The following SERTAD2 variants were observed in gnomAD, a reference collection of about 807,000 sequenced individuals.
The protein encoded by SERTAD2 is SERTA domain containing 2, also known as SERTA domain-containing protein 2.
SERTAD2 carries 2 observed loss-of-function variants against 15.4 expected under a neutral mutation model. The ratio of observed to expected loss-of-function variants is 0.13; its 90% CI spans 0.05 to 0.41. The LOEUF (loss-of-function observed/expected upper bound fraction) is 0.41, where lower values mean the gene tolerates loss of function less well. SERTAD2 is among the 10% of genes least tolerant of loss of function. The probability of loss-of-function intolerance (pLI) is 0.99; values close to 1 mark genes in which losing one functional copy is unlikely to be tolerated. For synonymous variants in SERTAD2, 180 were observed against 178.0 expected, an observed-to-expected ratio of 1.01 and a Z score of -0.09; for missense variants, 333 against 409.7, an observed-to-expected ratio of 0.81 and a Z score of 1.62.
chr2:64,650,510 C>T (rs1674986616), intron 1 of SERTAD2, among the ~76,000 whole-genome samples: 1 of 152,158 alleles, frequency 6.6e-6, no homozygotes, highest in South Asian at 2.1e-4. Context: ...CAATGAGTGA[C>T]GGACGCTCCA....
chr2:64,639,415 G>A (rs900306232), intron 1 of SERTAD2, among the ~76,000 whole-genome samples: 1 of 152,094 alleles, frequency 6.6e-6, no homozygotes, highest in East Asian at 1.9e-4. Flanking sequence ...TCTTACTGAA[G>A]TCTGTGAAAG....
At chr2:64,646,685 AT>A (rs796448063) in intron 1 of SERTAD2, 12 of 152,376 alleles carry the variant, frequency 7.9e-5, no homozygotes, top group African/African-American at 2.9e-4. Flanking sequence ...AATAAATTAA[AT>A]TATGGTACGG....
In SERTAD2 at chr2:64,651,702, T is replaced by C. The variant is rs78665598; in HGVS notation, c.-5+1918A>G. On this transcript the variant is annotated intron_variant, in intron 1 of 1. Coordinates refer to ENST00000313349, the MANE Select transcript of SERTAD2 (RefSeq NM_014755.3). ...AGTGTAAAGATTTTCTAAATCTGAA[T>C]TAATATCCTTCTCTTAGTTCTTCAA... Among the ~76,000 whole-genome samples the C allele has an allele frequency of 5.0e-3, 755 of 152,314 alleles. 3 individuals carry two copies. The highest frequency in any genetic ancestry group is 8.3e-3 in the Non-Finnish European group (564 of 68,028).
At chr2:64,651,187 C>CT (rs1201834171) in intron 1 of SERTAD2, among the ~76,000 whole-genome samples, 3 of 152,038 alleles carry the variant, frequency 2.0e-5, no homozygotes, top group Non-Finnish European at 4.4e-5. Context: ...AAGCTTCATA[C>CT]TTTTTTTTCT....
intron 1 of SERTAD2, among the ~76,000 whole-genome samples, chr2:64,647,423 C>T (rs898081330): frequency 2.6e-5 from 4 of 152,124 alleles, no homozygotes; most frequent in Admixed American, 6.5e-5. Flanking sequence ...CATAAGATTA[C>T]GTGCTTTACT....
rs548789277 is a variant in SERTAD2 at position 64,634,786 on chromosome 2, T to A, written c.*1141A>T. 1 of 152,294 alleles carries A rather than the reference T, an allele frequency of 6.6e-6. No individual in the cohort carries two copies. Among genetic ancestry groups the A allele is most frequent in the Non-Finnish European group, 1.5e-5 (1 of 68,014 alleles). The allele number at this position is 152,294 out of a possible 1,614,324, so 9.4% of individuals were successfully genotyped here. ...TCGGATGTAAAATTTTGTTCGGATG[T>A]AAAATTTCAGGTCATCATAAAAATT... is the stretch of plus-strand genomic sequence containing the variant. On this transcript the variant is annotated 3_prime_UTR_variant, in exon 2 of 2. Coordinates refer to ENST00000313349, the MANE Select transcript of SERTAD2 (RefSeq NM_014755.3).
At chr2:64,640,952 G>A (rs912345132) in intron 1 of SERTAD2, among the ~76,000 whole-genome samples, 1 of 152,148 alleles carries the variant, frequency 6.6e-6, no homozygotes, top group African/African-American at 2.4e-5. Context: ...TGAGGTTTGA[G>A]ATCAAATGAC....
In SERTAD2 at chr2:64,653,684, C is replaced by G. The variant is rs1053883548; in HGVS notation, c.-69G>C. 4 of 152,288 alleles carry G rather than the reference C, an allele frequency of 2.6e-5. No individual in the cohort carries two copies. The highest frequency in any genetic ancestry group is 4.4e-5 in the Non-Finnish European group (3 of 68,114). 9.4% of individuals were successfully genotyped at this position (152,288 alleles called of 1,614,324 possible). On this transcript the variant is annotated 5_prime_UTR_variant, in exon 1 of 2. Transcript: ENST00000313349. ...GTTTCCGCCCACTCCTCAGCTACTC[C>G]CGCTCCATGCGGAGTGCCCCGCTCC...
intron 1 of SERTAD2, among the ~76,000 whole-genome samples, chr2:64,646,954 T>C (rs1470494172): frequency 1.3e-5 from 2 of 152,224 alleles, no homozygotes; most frequent in South Asian, 2.1e-4. Flanking sequence ...CTTTTACCAG[T>C]ATAGATAGAC....
At chr2:64,638,466 TACTTTGTC>T (rs985800562) in intron 1 of SERTAD2, among the ~76,000 whole-genome samples, 11 of 152,358 alleles carry the variant, frequency 7.2e-5, no homozygotes, top group Non-Finnish European at 1.5e-4. Flanking sequence ...TTCTTTCTCA[TACTTTGTC>T]ACAAAGCAGG....
Position 64,640,558 on chromosome 2 carries a change from TCG to T in SERTAD2, c.-4-3685_-4-3684del, listed in dbSNP as rs567998363. 7.3e-5 allele frequency among the ~76,000 whole-genome samples: 11 copies of T among 151,330 alleles called. No individual in the cohort carries two copies. In the East Asian group the frequency reaches 2.1e-3, roughly 29 times the overall value. Reference sequence around the variant, plus strand: ...AGGCAAGGGACCTTTCAAAAAGGCTTCGCTGGGCTGCAACTTGAAGATGAAGC... The same window carrying T: ...AGGCAAGGGACCTTTCAAAAAGGCTTCTGGGCTGCAACTTGAAGATGAAGC... On this transcript the variant is annotated intron_variant, in intron 1 of 1. Transcript: ENST00000313349.
intron 1 of SERTAD2, among the ~76,000 whole-genome samples, chr2:64,637,284 C>A (rs1328309000): frequency 1.3e-5 from 2 of 152,236 alleles, no homozygotes; most frequent in African/African-American, 4.8e-5. Context: ...AAAACACTTA[C>A]AATGCTATGA....
intron 1 of SERTAD2, among the ~76,000 whole-genome samples, chr2:64,639,408 T>C (rs759020276): frequency 7.9e-5 from 12 of 152,244 alleles, no homozygotes; most frequent in Non-Finnish European, 1.6e-4. Flanking sequence ...TATTGTGTCT[T>C]ACTGAAGTCT....
chr2:64,636,402 A>G lies in SERTAD2; in HGVS notation c.470T>C (p.Leu157Pro), dbSNP rs1168173191. ...QAMQPTAPTKLSPPALLPEKD... is the reference protein window; with the variant it reads ...QAMQPTAPTKPSPPALLPEKD... ...TTCTGGCAAGAGGGCTGGAGGTGACAGTTTGGTGGGAGCCGTGGGCTGCAT... is the reference window on the plus strand; with the variant it reads ...TTCTGGCAAGAGGGCTGGAGGTGACGGTTTGGTGGGAGCCGTGGGCTGCAT... Residue 157 changes from leucine to proline, a missense_variant, in exon 2 of 2, where the codon CTG (leucine) becomes CCG (proline). By Grantham distance (98) the Leu-to-Pro change is moderately conservative. Coordinates refer to ENST00000313349, the MANE Select transcript of SERTAD2 (RefSeq NM_014755.3). 3.1e-6 allele frequency: 5 copies of G among 1,614,070 alleles called. No individual in the cohort carries two copies. In the African/African-American group the frequency reaches 4.0e-5, roughly 13 times the overall value.
chr2:64,651,208 AC>A (rs764212227), intron 1 of SERTAD2, among the ~76,000 whole-genome samples: 7 of 152,330 alleles, frequency 4.6e-5, no homozygotes, highest in Non-Finnish European at 1.0e-4. Context: ...GTGCTTTTTA[AC>A]AAGAAACCAC....
At chr2:64,637,857 G>C (rs1386906990) in intron 1 of SERTAD2, among the ~76,000 whole-genome samples, 3 of 152,214 alleles carry the variant, frequency 2.0e-5, no homozygotes, top group Admixed American at 2.0e-4. Flanking sequence ...TCTGGCCTTA[G>C]TGAATACATT....
chr2:64,635,731 A>C lies in SERTAD2; in HGVS notation c.*196T>G. 1.8e-6 allele frequency: 1 copy of C among 553,276 alleles called. No individual in the cohort carries two copies. 34.3% of individuals were successfully genotyped at this position (553,276 alleles called of 1,614,324 possible). On this transcript the variant is annotated 3_prime_UTR_variant, in exon 2 of 2. Coordinates refer to ENST00000313349, the MANE Select transcript of SERTAD2 (RefSeq NM_014755.3). ...GTAGGTCTCTGAGGAACCACTCAAA[A>C]AAGTGTATTAAAAGTGGTCATACTT...
chr2:64,637,460 CAT>C (rs1674685214), intron 1 of SERTAD2, among the ~76,000 whole-genome samples: 2 of 152,206 alleles, frequency 1.3e-5, no homozygotes, highest in Non-Finnish European at 1.5e-5. Flanking sequence ...TGGTTGGGGA[CAT>C]GTGGTGAAGC....
Position 64,636,468 on chromosome 2 carries a change from A to C in SERTAD2, c.404T>G (p.Leu135Arg). 6.2e-7 allele frequency: 1 copy of C among 1,613,954 alleles called. No individual in the cohort carries two copies. The highest frequency in any genetic ancestry group is 8.5e-7 in the Non-Finnish European group (1 of 1,179,962). ...PLEACLTPAS[L>R]LEDDDDTFCT... is the part of the protein sequence containing the mutation. ...AAACGTGTCATCGTCGTCCTCGAGCAGTGAGGCCGGGGTGAGGCAGGCCTC... is the reference window on the plus strand; with the variant it reads ...AAACGTGTCATCGTCGTCCTCGAGCCGTGAGGCCGGGGTGAGGCAGGCCTC... The change falls in exon 2 of 2, where the codon CTG (leucine) becomes CGG (arginine). Residue 135 changes from leucine (L) to arginine (R), a missense_variant. Leu to Arg is a moderately radical substitution (Grantham distance 102). Around this residue, in one of 2 missense-constraint regions of SERTAD2, gnomAD observed 332 missense variants for 392.9 expected, o/e 0.84. Transcript: ENST00000313349.
Sources: gnomAD v4.1 joint callset for allele counts (sites outside exome capture counted in the v4.1 genomes callset) on GRCh38, gnomAD v4.1.1 for gene constraint, gnomAD v4.1.1 regional missense constraint, MANE v1.5 for transcripts, NCBI Gene and HGNC (gene_info 2026-07-23, HGNC 2026-07-21) for gene names.